The following VIL1 variants were observed in gnomAD, a reference collection of about 807,000 sequenced individuals.
VIL1 encodes the protein villin-1.
VIL1 carries 86 observed loss-of-function variants against 104.0 expected under a neutral mutation model. The ratio of observed to expected loss-of-function variants is 0.83; its 90% CI spans 0.69 to 0.99. The LOEUF (loss-of-function observed/expected upper bound fraction) is 0.99, where lower values mean the gene tolerates loss of function less well. Ranked by LOEUF, VIL1 falls within the 50% of genes least tolerant of loss-of-function variation. VIL1 has a pLI of 0.00. For missense variants in VIL1, 944 were observed against 1,054.1 expected (o/e 0.90, Z 1.45); for synonymous variants, 394 against 412.6 (o/e 0.95, Z 0.55).
chr2:218,434,851 T>C, intron 14 of VIL1, 146 bp downstream of exon 14: 1 of 816,864 alleles, frequency 1.2e-6, no homozygotes, highest in Non-Finnish European at 1.9e-6. Context: ...GCCCAGTCTC[T>C]CCCTCCTCAG....
chr2:218,426,267 T>A (rs1041121368), intron 4 of VIL1, among the ~76,000 whole-genome samples: 3 of 152,104 alleles, frequency 2.0e-5, no homozygotes, highest in Non-Finnish European at 4.4e-5. Context: ...CTTCCTTTTT[T>A]TTTTTGAGAT....
In VIL1 at chr2:218,437,105, C is replaced by A. The variant is rs1214903319; in HGVS notation, c.1972-19C>A. 3 of 1,610,030 alleles carry A rather than the reference C, an allele frequency of 1.9e-6. No homozygotes were observed. The Admixed American group carries it at 5.0e-5, about 27-fold the overall frequency. ...GGGAGGACAGGAAGGATGGACTGAT[C>A]CCCTGGGTTTCTCAATAGGTCTTCT... On this transcript the variant is annotated intron_variant, in intron 16 of 19. Coordinates refer to ENST00000248444, the MANE Select transcript of VIL1 (RefSeq NM_007127.3).
At chr2:218,425,927 T>C (rs958479641) in intron 4 of VIL1, 116 bp downstream of exon 4, 32 of 1,145,480 alleles carry the variant, frequency 2.8e-5, no homozygotes, top group Non-Finnish European at 3.3e-5. Flanking sequence ...GGAAGAACAC[T>C]TGGAGCAGGG....
intron 19 of VIL1, among the ~76,000 whole-genome samples, chr2:218,444,453 T>C (rs1328777763): frequency 6.6e-6 from 1 of 152,128 alleles, no homozygotes; most frequent in African/African-American, 2.4e-5. Context: ...CTAATTTTAG[T>C]ATTTTTAGTA....
chr2:218,427,825 C>T lies in VIL1; in HGVS notation c.348-140C>T, dbSNP rs947062368. On this transcript the variant is annotated intron_variant, in intron 4 of 19. Coordinates refer to ENST00000248444, the MANE Select transcript of VIL1 (RefSeq NM_007127.3). ...ACAGTGAGTGACTCCCTAAAGTTTG[C>T]GCCCTCAGCACCTCATTGACCTCGC... 107 of 712,678 alleles carry T rather than the reference C, an allele frequency of 1.5e-4. No individual in the cohort carries two copies. In the Admixed American group the frequency reaches 1.8e-3, roughly 12 times the overall value. The allele number at this position is 712,678 out of a possible 1,614,324, so 44.1% of individuals were successfully genotyped here. A position where few individuals can be genotyped will look rare whatever the true frequency, so the allele number is the denominator to read the frequency against.
In VIL1 at chr2:218,428,131, G is replaced by C. The variant is rs923099132; in HGVS notation, c.456+58G>C. On this transcript the variant is annotated intron_variant, in intron 5 of 19. Transcript: ENST00000248444. ...CTGTGAGGCCCAGGGTGGAGGGCAGGGGCTGAGGAGGGGTGAGGGGCAGGG... is the reference window on the plus strand; with the variant it reads ...CTGTGAGGCCCAGGGTGGAGGGCAGCGGCTGAGGAGGGGTGAGGGGCAGGG... 3 of 1,601,318 alleles carry C rather than the reference G, an allele frequency of 1.9e-6. No homozygotes were observed. In the African/African-American group the frequency reaches 4.0e-5, roughly 21 times the overall value.
chr2:218,435,358 G>A lies in VIL1; in HGVS notation c.1750G>A (p.Val584Met), dbSNP rs1689171017. The A allele has an allele frequency of 1.9e-6, 3 of 1,614,054 alleles. No individual in the cohort carries two copies. The highest frequency in any genetic ancestry group is 3.3e-5 in the Admixed American group (2 of 60,002). ...CACCATCTCCCGGACGGAGAAGCAA[G>A]TGGTGGTGGAAGGGCAGGAGCCAGC... ...ADTISRTEKQ[V>M]VVEGQEPANF... Residue 584 changes from valine to methionine, a missense_variant, in exon 15 of 20, where the codon GTG (valine) becomes ATG (methionine). Coordinates refer to ENST00000248444, the MANE Select transcript of VIL1 (RefSeq NM_007127.3).
rs1689450806 is a variant in VIL1, at chr2:218,450,469, T to TG, written c.*1134dup. ...ATCTCACAAATAATGTGGCCACAGC[T>TG]GCCAGAAAACCTGGTAGTGGCTCAA... is the stretch of plus-strand genomic sequence containing the variant. On this transcript the variant is annotated 3_prime_UTR_variant, in exon 20 of 20. Coordinates refer to ENST00000248444, the MANE Select transcript of VIL1 (RefSeq NM_007127.3). 1 of 152,678 alleles carries TG rather than the reference T, an allele frequency of 6.5e-6. No homozygotes were observed. The highest frequency in any genetic ancestry group is 1.5e-5 in the Non-Finnish European group (1 of 68,052). 9.5% of individuals were successfully genotyped at this position (152,678 alleles called of 1,614,324 possible).
At chr2:218,440,007 G>A (rs1157007632) in intron 18 of VIL1, among the ~76,000 whole-genome samples, 1 of 151,878 alleles carries the variant, frequency 6.6e-6, no homozygotes, top group African/African-American at 2.4e-5. Flanking sequence ...AGCACACTGG[G>A]GTATAATCAA....
In VIL1 at chr2:218,429,332, C is replaced by A. The variant is rs774846980; in HGVS notation, c.615C>A (p.Arg205=). The part of the protein sequence containing the change: ...KEIRDQERGG[R]TYVGVVDGEN... ...TCCGAGACCAGGAGCGGGGAGGGCGCACCTATGTAGGCGTGGTGGACGGAG... is the reference window on the plus strand; with the variant it reads ...TCCGAGACCAGGAGCGGGGAGGGCGAACCTATGTAGGCGTGGTGGACGGAG... The change falls in exon 7 of 20, where the codon CGC becomes CGA. Residue 205 remains arginine (R), a synonymous_variant. Coordinates refer to ENST00000248444, the MANE Select transcript of VIL1 (RefSeq NM_007127.3). The A allele has an allele frequency of 1.9e-6, 3 of 1,613,972 alleles. No homozygotes were observed. The highest frequency in any genetic ancestry group is 1.7e-6 in the Non-Finnish European group (2 of 1,180,034).
intron 3 of VIL1, 107 bp from the exon 4 acceptor site, chr2:218,425,508 G>A: frequency 8.6e-7 from 1 of 1,167,100 alleles, no homozygotes; most frequent in Non-Finnish European, 1.2e-6. Flanking sequence ...CTTGCCCTGT[G>A]CCACGCTCCC....
Position 218,452,200 on chromosome 2 carries a change from A to G in VIL1, c.*2864A>G, listed in dbSNP as rs1485267154. 1 of 152,174 alleles carries G rather than the reference A, an allele frequency of 6.6e-6. No individual in the cohort carries two copies. Among genetic ancestry groups the G allele is most frequent in the Non-Finnish European group, 1.5e-5 (1 of 68,032 alleles). 9.4% of individuals were successfully genotyped at this position (152,174 alleles called of 1,614,324 possible). A position where few individuals can be genotyped will look rare whatever the true frequency, so the allele number is the denominator to read the frequency against. The stretch of plus-strand genomic sequence containing the variant: ...ATCAAGTTCCAATTCAATGTCATTT[A>G]AAGTAATGTAACCACACATTTGGTA... On this transcript the variant is annotated 3_prime_UTR_variant, in exon 20 of 20. Transcript: ENST00000248444.
In VIL1 at chr2:218,449,354, G is replaced by A; in HGVS notation, c.*18G>A. The A allele has an allele frequency of 6.4e-7, 1 of 1,566,340 alleles. No individual in the cohort carries two copies. The highest frequency in any genetic ancestry group is 8.8e-7 in the Non-Finnish European group (1 of 1,136,718). On this transcript the variant is annotated 3_prime_UTR_variant, in exon 20 of 20. Transcript: ENST00000248444. ...TATTTTGAGAAGAGTAGCTGTGGTTGTAAAGCAGTACCCTACCCTGATTGT... is the reference window on the plus strand; with the variant it reads ...TATTTTGAGAAGAGTAGCTGTGGTTATAAAGCAGTACCCTACCCTGATTGT...
intron 15 of VIL1, 88 bp downstream of exon 15, chr2:218,435,522 C>A: frequency 6.6e-7 from 1 of 1,508,586 alleles, no homozygotes; most frequent in African/African-American, 1.4e-5. Context: ...CTACAGCAGG[C>A]ATGGACTGAG....
chr2:218,439,630 G>A (rs942325969), intron 18 of VIL1, among the ~76,000 whole-genome samples: 50 of 151,812 alleles, frequency 3.3e-4, no homozygotes, highest in Admixed American at 3.2e-3. Context: ...ACTAGTCTTC[G>A]TAACATGGGG....
intron 19 of VIL1, among the ~76,000 whole-genome samples, chr2:218,448,663 C>T (rs1422212231): frequency 6.6e-6 from 1 of 151,876 alleles, no homozygotes; most frequent in Non-Finnish European, 1.5e-5. Context: ...GACCCTTGTA[C>T]AAAGAAAATC....
chr2:218,448,470 CAG>C (rs1188979179), intron 19 of VIL1, among the ~76,000 whole-genome samples: 2 of 151,190 alleles, frequency 1.3e-5, no homozygotes, highest in African/African-American at 2.4e-5. Context: ...GAGGCTGAGG[CAG>C]AGTTATTTGA....
chr2:218,423,962 G>T, intron 2 of VIL1, 109 bp downstream of exon 2: 2 of 1,264,066 alleles, frequency 1.6e-6, no homozygotes, highest in East Asian at 2.5e-5. Context: ...CTGCCCTGAA[G>T]CCCCTGAGAG....
intron 19 of VIL1, among the ~76,000 whole-genome samples, chr2:218,443,156 C>T (rs1689309618): frequency 6.6e-6 from 1 of 152,090 alleles, no homozygotes; most frequent in Non-Finnish European, 1.5e-5. Context: ...CCTTCAGAGT[C>T]CCACTGTTAC....
Sources: allele counts gnomAD v4.1 joint callset (sites outside exome capture counted in the v4.1 genomes callset), GRCh38; gene constraint gnomAD v4.1.1; transcripts MANE v1.5; gene names NCBI Gene and HGNC (gene_info 2026-07-23, HGNC 2026-07-21).